Variants in KLF12 observed in about 807,000 individuals in gnomAD.
KLF12 encodes the protein Krueppel-like factor 12.
Under a neutral mutation model 37.8 loss-of-function variants are expected in KLF12, and 9 were observed. The observed-to-expected ratio is 0.24, with a 90% CI of 0.14 to 0.42. The LOEUF (loss-of-function observed/expected upper bound fraction) is 0.42, where lower values mean the gene tolerates loss of function less well. KLF12 is among the 10% of genes least tolerant of loss of function. The pLI is 1.00. For synonymous variants in KLF12, 208 were observed against 202.1 expected (o/e 1.03, Z -0.25); for missense variants, 411 against 516.0 (o/e 0.80, Z 1.97).
chr13:74,117,387 G>A (rs998069500), intron 1 of KLF12, among the ~76,000 whole-genome samples: 1 of 152,078 alleles, frequency 6.6e-6, no homozygotes, highest in Admixed American at 6.5e-5. Context: ...GTCAAAACCA[G>A]AAAAATCTAA....
At chr13:74,005,583 C>T (rs1031707131) in intron 1 of KLF12, among the ~76,000 whole-genome samples, 1 of 152,102 alleles carries the variant, frequency 6.6e-6, no homozygotes, top group Admixed American at 6.6e-5. Flanking sequence ...AAAATAACTG[C>T]ATTTCAGTTC....
At chr13:74,190,041 C>T in the KLF12 span, among the ~76,000 whole-genome samples, 9 of 152,016 alleles carry the variant, frequency 5.9e-5, no homozygotes, top group Non-Finnish European at 1.2e-4. Context: ...GCAAAGATTA[C>T]TGCAAAGAGT....
chr13:73,964,712 G>A (rs191442240), intron 2 of KLF12, among the ~76,000 whole-genome samples: 2 of 152,164 alleles, frequency 1.3e-5, no homozygotes, highest in African/African-American at 4.8e-5. Context: ...TGGACATGGT[G>A]GCTCATGCCT....
At chr13:73,992,456 GT>G (rs1891993731) in intron 2 of KLF12, among the ~76,000 whole-genome samples, 1 of 152,152 alleles carries the variant, frequency 6.6e-6, no homozygotes, top group Non-Finnish European at 1.5e-5. Context: ...AGTTGTGTTT[GT>G]TTTTTGTTTG....
chr13:74,181,487 C>T, the KLF12 span, among the ~76,000 whole-genome samples: 1 of 150,876 alleles, frequency 6.6e-6, no homozygotes, highest in South Asian at 2.1e-4. Context: ...GGAGACCAGC[C>T]TGGCCAATAG....
intron 2 of KLF12, among the ~76,000 whole-genome samples, chr13:73,965,091 C>A (rs1170778267): frequency 3.3e-5 from 5 of 152,096 alleles, no homozygotes; most frequent in Non-Finnish European, 5.9e-5. Flanking sequence ...TGTAACCCAT[C>A]TGTGAGGGAT....
At chr13:74,200,114 C>A in the KLF12 span, among the ~76,000 whole-genome samples, 1 of 152,034 alleles carries the variant, frequency 6.6e-6, no homozygotes, top group African/African-American at 2.4e-5. Flanking sequence ...AAGCTGTGAT[C>A]ATTTGCATAA....
intron 5 of KLF12, among the ~76,000 whole-genome samples, chr13:73,792,757 C>T (rs951435066): frequency 2.0e-5 from 3 of 151,870 alleles, no homozygotes; most frequent in Non-Finnish European, 4.4e-5. Flanking sequence ...TACCTAGAAG[C>T]ATGAAAAAAG....
At chr13:73,818,933 C>T (rs914029176) in intron 4 of KLF12, among the ~76,000 whole-genome samples, 5 of 152,186 alleles carry the variant, frequency 3.3e-5, no homozygotes, top group Non-Finnish European at 5.9e-5. Context: ...AGAGAAACCC[C>T]GGCTTCCAGG....
At chr13:74,081,875 C>G (rs78598353) in intron 1 of KLF12, among the ~76,000 whole-genome samples, 1 of 152,104 alleles carries the variant, frequency 6.6e-6, no homozygotes, top group Non-Finnish European at 1.5e-5. Flanking sequence ...GTCTCATGTT[C>G]CAGCCCCCTC....
chr13:73,759,559 C>G (rs971349800), intron 6 of KLF12, among the ~76,000 whole-genome samples: 2 of 152,120 alleles, frequency 1.3e-5, no homozygotes, highest in African/African-American at 4.8e-5. Flanking sequence ...AAGCCTTCTG[C>G]TTAGCTTGTA....
rs369385633 is a variant in KLF12, at chr13:73,715,453, C to T, written c.942G>A (p.Arg314=). Residue 314 remains arginine (R), a synonymous_variant, in exon 7 of 8, where the codon CGG becomes CGA. Transcript: ENST00000377669. ...CCTCAAAATCACATCTGTGGATACG[C>T]CGTTTTCTGGAGTCTGGGGATTCAG... 5.3e-5 allele frequency: 85 copies of T among 1,613,942 alleles called. No homozygotes were observed. Among genetic ancestry groups the T allele is most frequent in the Non-Finnish European group, 6.6e-5 (78 of 1,179,950 alleles).
intron 1 of KLF12, among the ~76,000 whole-genome samples, chr13:74,112,228 T>C (rs1383386283): frequency 2.1e-5 from 3 of 146,274 alleles, no homozygotes; most frequent in Admixed American, 1.4e-4. Context: ...GTGTGTATGA[T>C]ATGTATGCAT....
chr13:74,074,058 G>A (rs1874425398), intron 1 of KLF12, among the ~76,000 whole-genome samples: 1 of 152,154 alleles, frequency 6.6e-6, no homozygotes, highest in Non-Finnish European at 1.5e-5. Context: ...AGGCTGAGAG[G>A]CTGGAAAGCT....
chr13:73,889,285 AGC>A (rs1433899844), intron 3 of KLF12, among the ~76,000 whole-genome samples: 1 of 152,230 alleles, frequency 6.6e-6, no homozygotes, highest in Non-Finnish European at 1.5e-5. Context: ...GTGCATACAT[AGC>A]GCCAATCTCC....
chr13:74,187,158 T>A, the KLF12 span, among the ~76,000 whole-genome samples: 8 of 152,132 alleles, frequency 5.3e-5, no homozygotes, highest in African/African-American at 1.9e-4. Flanking sequence ...CGAAACCCCA[T>A]CTCCACAAAA....
At chr13:74,280,283 T>C in the KLF12 span, among the ~76,000 whole-genome samples, 6 of 152,156 alleles carry the variant, frequency 3.9e-5, no homozygotes, top group Non-Finnish European at 8.8e-5. Context: ...TGCAACCTGA[T>C]ATGGTCTAAT....
the KLF12 span, among the ~76,000 whole-genome samples, chr13:74,280,809 CT>C: frequency 0.01 from 1,442 of 140,358 alleles, 79 homozygotes; most frequent in Admixed American, 0.095. Flanking sequence ...CCATACTCAT[CT>C]TTTTTTTCTT....
At chr13:74,118,482 A>C (rs1566220843) in intron 1 of KLF12, among the ~76,000 whole-genome samples, 2 of 152,196 alleles carry the variant, frequency 1.3e-5, no homozygotes, top group Non-Finnish European at 2.9e-5. Context: ...TTATGTTGTA[A>C]AGGAAATCTG....
Sources: gnomAD v4.1 joint callset for allele counts (sites outside exome capture counted in the v4.1 genomes callset) on GRCh38, gnomAD v4.1.1 for gene constraint, MANE v1.5 for transcripts, NCBI Gene and HGNC (gene_info 2026-07-23, HGNC 2026-07-21) for gene names.